The following CDC42SE2 variants were observed in gnomAD, a reference collection of about 807,000 sequenced individuals.
The protein encoded by CDC42SE2 is CDC42 small effector 2.
CDC42SE2 carries 3 observed loss-of-function variants against 11.5 expected under a neutral mutation model. The observed-to-expected ratio is 0.26, with a 90% CI of 0.12 to 0.67. The LOEUF (loss-of-function observed/expected upper bound fraction) is 0.67, where lower values mean the gene tolerates loss of function less well. Among genes scored for constraint, CDC42SE2 ranks in the 30% least tolerant of loss-of-function variants. The pLI is 0.80. For missense variants in CDC42SE2, 82 were observed against 106.8 expected (o/e 0.77, Z 1.02); for synonymous variants, 33 against 34.8 (o/e 0.95, Z 0.18).
intron 4 of CDC42SE2, among the ~76,000 whole-genome samples, chr5:131,386,735 A>G (rs1352863371): frequency 6.6e-6 from 1 of 152,258 alleles, no homozygotes; most frequent in African/African-American, 2.4e-5. Flanking sequence ...GTTTCAACAG[A>G]CTGACTCTTT....
chr5:131,263,988 T>C (rs1248931091), upstream of CDC42SE2: 1 of 151,338 alleles, frequency 6.6e-6, no homozygotes, highest in Non-Finnish European at 1.5e-5. Flanking sequence ...CCGGCCGCTC[T>C]AGGGGCGCGC....
chr5:131,326,159 C>T (rs888212329), intron 2 of CDC42SE2, among the ~76,000 whole-genome samples: 2 of 150,278 alleles, frequency 1.3e-5, no homozygotes, highest in East Asian at 3.9e-4. Context: ...GGCTGGAGTG[C>T]AGTGGCGCAA....
chr5:131,228,265 G>A, the CDC42SE2 span, among the ~76,000 whole-genome samples: 1 of 152,130 alleles, frequency 6.6e-6, no homozygotes, highest in African/African-American at 2.4e-5. Context: ...TACTCAGGAG[G>A]CTGTGGTAGG....
the CDC42SE2 span, among the ~76,000 whole-genome samples, chr5:131,234,340 CATAG>C: frequency 4.6e-5 from 7 of 151,976 alleles, no homozygotes; most frequent in African/African-American, 9.6e-5. Flanking sequence ...TAGATAAATA[CATAG>C]ATAGATAGAT....
chr5:131,286,205 T>G (rs1456448903), intron 1 of CDC42SE2, among the ~76,000 whole-genome samples: 3 of 151,502 alleles, frequency 2.0e-5, no homozygotes, highest in Non-Finnish European at 4.4e-5. Flanking sequence ...AGGTCCTCCT[T>G]AGTAGCTGGG....
rs1468236121 is a variant in CDC42SE2 at position 131,345,281 on chromosome 5, T to G, written c.-285-13928T>G. Among the ~76,000 whole-genome samples the G allele has an allele frequency of 1.2e-4, 18 of 152,158 alleles. No individual in the cohort carries two copies. The East Asian group carries it at 3.5e-3, about 29-fold the overall frequency. ...AAAAAAGATGAGACGAATGGCTAAC[T>G]AGAAAAACAGTGTAGAGAAGTCCTT... On this transcript the variant is annotated intron_variant, in intron 2 of 4. Coordinates refer to ENST00000505065, the MANE Select transcript of CDC42SE2 (RefSeq NM_001375635.1).
rs573521039 is a variant in CDC42SE2 at position 131,307,064 on chromosome 5, A to T, written c.-454-8912A>T. Among the ~76,000 whole-genome samples the T allele has an allele frequency of 3.1e-3, 464 of 150,810 alleles. 4 individuals carry two copies. Among genetic ancestry groups the T allele is most frequent in the Non-Finnish European group, 5.0e-3 (335 of 67,664 alleles). ...CAATTTCTCTTCTTCCTTTTTTTTT[A>T]ATTTTTTTATTATTATTATACTTTA... On this transcript the variant is annotated intron_variant, in intron 1 of 4. Transcript: ENST00000505065.
the CDC42SE2 span, among the ~76,000 whole-genome samples, chr5:131,231,243 G>T: frequency 1.3e-5 from 2 of 152,134 alleles, no homozygotes; most frequent in Admixed American, 1.3e-4. Flanking sequence ...TTTAAATGAG[G>T]ACTTGTTTTA....
chr5:131,355,733 C>T (rs1484371857), intron 2 of CDC42SE2, among the ~76,000 whole-genome samples: 2 of 151,852 alleles, frequency 1.3e-5, no homozygotes, highest in Non-Finnish European at 2.9e-5. Flanking sequence ...TGACATGCCC[C>T]ACTGTCTAGT....
upstream of CDC42SE2, chr5:131,263,940 A>T (rs935337310): frequency 6.6e-6 from 1 of 151,432 alleles, no homozygotes; most frequent in African/African-American, 2.4e-5. Context: ...CGGGGCCAGC[A>T]CTGCGGTCGC....
chr5:131,311,589 G>A (rs936730245), intron 1 of CDC42SE2, among the ~76,000 whole-genome samples: 25 of 152,240 alleles, frequency 1.6e-4, no homozygotes, highest in Non-Finnish European at 2.6e-4. Flanking sequence ...CCAATCAGAC[G>A]TAGATTTGGT....
intron 1 of CDC42SE2, among the ~76,000 whole-genome samples, chr5:131,285,869 T>C (rs1757329328): frequency 6.6e-6 from 1 of 152,130 alleles, no homozygotes. Context: ...TGAGTAGAGT[T>C]AGGCTATCAC....
intron 3 of CDC42SE2, among the ~76,000 whole-genome samples, chr5:131,378,766 C>A (rs950926006): frequency 1.3e-5 from 2 of 152,208 alleles, no homozygotes; most frequent in African/African-American, 4.8e-5. Flanking sequence ...TGGAATCAGA[C>A]TGAACACCAC....
upstream of CDC42SE2, among the ~76,000 whole-genome samples, chr5:131,241,765 G>A (rs1413875484): frequency 4.0e-5 from 6 of 151,770 alleles, no homozygotes; most frequent in African/African-American, 9.7e-5. Context: ...TTCTTCAAGC[G>A]TTTCTTCAAA....
At chr5:131,238,934 G>T in the CDC42SE2 span, among the ~76,000 whole-genome samples, 1 of 151,938 alleles carries the variant, frequency 6.6e-6, no homozygotes, top group African/African-American at 2.4e-5. Flanking sequence ...GAGGCGGGTG[G>T]ATCACGAGGT....
intron 1 of CDC42SE2, among the ~76,000 whole-genome samples, chr5:131,292,952 A>C (rs1244124650): frequency 6.6e-6 from 1 of 151,258 alleles, no homozygotes; most frequent in African/African-American, 2.4e-5. Context: ...AAACTATAAT[A>C]CAGCAAAAGA....
At chr5:131,357,261 C>T (rs562169643) in intron 2 of CDC42SE2, among the ~76,000 whole-genome samples, 30 of 152,234 alleles carry the variant, frequency 2.0e-4, no homozygotes, top group African/African-American at 7.2e-4. Context: ...TTTGATATTC[C>T]TTGGATGTAT....
the CDC42SE2 span, among the ~76,000 whole-genome samples, chr5:131,215,963 A>G: frequency 6.6e-6 from 1 of 152,218 alleles, no homozygotes; most frequent in Non-Finnish European, 1.5e-5. Flanking sequence ...AGGGAAGCTG[A>G]AGTAGAAAAC....
At chr5:131,238,751 C>CAA in the CDC42SE2 span, among the ~76,000 whole-genome samples, 3 of 151,682 alleles carry the variant, frequency 2.0e-5, no homozygotes, top group African/African-American at 7.3e-5. Context: ...TTTTTCAATT[C>CAA]AAATAACATT....
Sources: allele counts gnomAD v4.1 joint callset (sites outside exome capture counted in the v4.1 genomes callset), GRCh38; gene constraint gnomAD v4.1.1; transcripts MANE v1.5; gene names NCBI Gene and HGNC (gene_info 2026-07-23, HGNC 2026-07-21).